The following ANO3 variants were observed in gnomAD, a reference collection of about 807,000 sequenced individuals.
The protein encoded by ANO3 is anoctamin 3, also known as anoctamin-3.
A neutral mutation model predicts 144.8 loss-of-function variants in ANO3; 99 were observed. The ratio of observed to expected loss-of-function variants is 0.68; its 90% CI spans 0.58 to 0.81. The LOEUF is 0.81. Among genes scored for constraint, ANO3 ranks in the 30% least tolerant of loss-of-function variants. The probability of loss-of-function intolerance (pLI) is 0.00; values close to 1 mark genes in which losing one functional copy is unlikely to be tolerated. For missense variants in ANO3, 905 were observed against 1,202.2 expected, an observed-to-expected ratio of 0.75 and a Z score of 3.66; for synonymous variants, 414 against 392.6, an observed-to-expected ratio of 1.05 and a Z score of -0.64.
chr11:26,236,556 T>G (rs191913291), intron 1 of ANO3, among the ~76,000 whole-genome samples: 1 of 152,142 alleles, frequency 6.6e-6, no homozygotes, highest in South Asian at 2.1e-4. Context: ...CCGCGGCTCA[T>G]GCCTGTAATC....
intron 6 of ANO3, among the ~76,000 whole-genome samples, chr11:26,520,593 CA>C (rs1159285289): frequency 6.6e-6 from 1 of 152,094 alleles, no homozygotes; most frequent in Non-Finnish European, 1.5e-5. Flanking sequence ...AGTAGTTCAA[CA>C]GGATCTTAAA....
At chr11:26,300,217 GACACACACAC>G (rs149964961) in intron 1 of ANO3, among the ~76,000 whole-genome samples, 2 of 151,152 alleles carry the variant, frequency 1.3e-5, no homozygotes, top group African/African-American at 4.9e-5. Flanking sequence ...CACACACACA[GACACACACAC>G]ACAGACACAC....
At chr11:26,571,341 T>A (rs1437038619) in intron 14 of ANO3, among the ~76,000 whole-genome samples, 1 of 152,100 alleles carries the variant, frequency 6.6e-6, no homozygotes, top group Non-Finnish European at 1.5e-5. Context: ...AAAAAGAGGC[T>A]TATATAGCCA....
chr11:26,221,614 C>T (rs774949702), intron 1 of ANO3, among the ~76,000 whole-genome samples: 14 of 152,170 alleles, frequency 9.2e-5, no homozygotes, highest in Non-Finnish European at 1.9e-4. Context: ...AGATAAAAGG[C>T]TTAATTCACT....
intron 6 of ANO3, among the ~76,000 whole-genome samples, chr11:26,518,869 A>G (rs1207843261): frequency 6.6e-6 from 1 of 152,096 alleles, no homozygotes; most frequent in Non-Finnish European, 1.5e-5. Context: ...GAGATGAAAA[A>G]GGATTGCTTC....
intron 1 of ANO3, among the ~76,000 whole-genome samples, chr11:26,365,337 A>G (rs1441617280): frequency 6.6e-6 from 1 of 152,200 alleles, no homozygotes; most frequent in African/African-American, 2.4e-5. Context: ...GCAAGCTGCC[A>G]GTGAATCTAC....
rs918549276 is a variant in ANO3 at position 26,241,462 on chromosome 11, T to C, written c.154+52132T>C. ...CATCATAAAATTCTTACTTTCTTACTCTCATACTCCTAACACCTAGCAACA... is the reference window on the plus strand; with the variant it reads ...CATCATAAAATTCTTACTTTCTTACCCTCATACTCCTAACACCTAGCAACA... On this transcript the variant is annotated intron_variant, in intron 1 of 27. Coordinates refer to the ANO3 transcript ENST00000672621. 5.9e-5 allele frequency among the ~76,000 whole-genome samples: 9 copies of C among 152,182 alleles called. No homozygotes were observed. In the East Asian group the frequency reaches 1.5e-3, roughly 26 times the overall value.
At chr11:26,629,225 G>C (rs939102936) in intron 18 of ANO3, among the ~76,000 whole-genome samples, 1 of 151,842 alleles carries the variant, frequency 6.6e-6, no homozygotes, top group African/African-American at 2.4e-5. Flanking sequence ...TCTCCAACTT[G>C]GTATATAACC....
intron 10 of ANO3, among the ~76,000 whole-genome samples, chr11:26,537,709 G>T (rs1003701858): frequency 6.6e-6 from 1 of 152,172 alleles, no homozygotes; most frequent in South Asian, 2.1e-4. Context: ...CACTGTAGCT[G>T]CTGCCTTCTG....
intron 4 of ANO3, among the ~76,000 whole-genome samples, chr11:26,465,102 C>T (rs938738134): frequency 3.3e-5 from 5 of 149,438 alleles, no homozygotes; most frequent in Non-Finnish European, 6.0e-5. Context: ...TGGCCTTTCT[C>T]TTATTATACC....
At chr11:26,253,222 T>G (rs530611113) in intron 1 of ANO3, among the ~76,000 whole-genome samples, 1 of 152,192 alleles carries the variant, frequency 6.6e-6, no homozygotes, top group Admixed American at 6.5e-5. Context: ...TGTGCTAAAA[T>G]ATGAAAAGAA....
intron 1 of ANO3, among the ~76,000 whole-genome samples, chr11:26,300,436 G>C (rs187971330): frequency 1.3e-5 from 2 of 152,288 alleles, no homozygotes; most frequent in Non-Finnish European, 2.9e-5. Context: ...TTAAGAAAAA[G>C]AGGAATGACA....
In ANO3 at chr11:26,207,002, C is replaced by G. The variant is rs1851807879; in HGVS notation, c.154+17672C>G. Among the ~76,000 whole-genome samples, 6 of 151,882 alleles carry G rather than the reference C, an allele frequency of 4.0e-5. No homozygotes were observed. In the South Asian group the frequency reaches 1.3e-3, roughly 32 times the overall value. ...ACGTGATATCATTTGTATGAGGGAT[C>G]TAAAACAGTTAGAGCAGGGTGGTGG... On this transcript the variant is annotated intron_variant, in intron 1 of 27. Coordinates refer to the ANO3 transcript ENST00000672621.
rs190083563 is a variant in ANO3 at position 26,511,668 on chromosome 11, G to C, written c.591+3406G>C. Among the ~76,000 whole-genome samples, 521 of 152,296 alleles carry C rather than the reference G, an allele frequency of 3.4e-3. 2 individuals carry two copies. Among genetic ancestry groups the C allele is most frequent in the African/African-American group, 0.012 (508 of 41,556 alleles). ...AGTGGTATGGTCTGGAGGGTGAGGG[G>C]AGAGTAGAAGAAAGGGAAGGAGGGA... is the stretch of plus-strand genomic sequence containing the variant. On this transcript the variant is annotated intron_variant, in intron 5 of 26. Coordinates refer to ENST00000256737, the MANE Select transcript of ANO3 (RefSeq NM_031418.4).
rs781584259 is a variant in ANO3, at chr11:26,508,147, A to C, written c.476A>C (p.Asp159Ala). The change falls in exon 5 of 27, where the codon GAT becomes GCT. Residue 159 changes from aspartate to alanine, a missense_variant. Transcript: ENST00000256737. The part of the protein sequence containing the change: ...YIASSGPLFK[D>A]GKKRIDYILV... ...GCATCCAGTGGACCTCTGTTCAAAG[A>C]TGGCAAAAAGAGAATTGATTACATC... 1.9e-6 allele frequency: 3 copies of C among 1,596,158 alleles called. No homozygotes were observed. Among genetic ancestry groups the C allele is most frequent in the Admixed American group, 3.6e-5 (2 of 54,886 alleles).
chr11:26,641,706 AT>A (rs71449128), intron 21 of ANO3, among the ~76,000 whole-genome samples, 189 bp from the exon 22 acceptor site: 1 of 151,012 alleles, frequency 6.6e-6, no homozygotes, highest in Non-Finnish European at 1.5e-5. Context: ...TTTAAAAAAA[AT>A]TTTTTAAGAT....
intron 3 of ANO3, among the ~76,000 whole-genome samples, chr11:26,454,671 C>T (rs1195162679): frequency 1.3e-5 from 2 of 151,844 alleles, no homozygotes; most frequent in African/African-American, 2.4e-5. Context: ...GGTACCATTC[C>T]TTCTGAAACT....
chr11:26,656,127 G>A lies in ANO3; in HGVS notation c.2579G>A (p.Cys860Tyr). The change falls in exon 25 of 27, where the codon TGC becomes TAC. Residue 860 changes from cysteine (C) to tyrosine (Y), a missense_variant and splice_region_variant. Around this residue, in one of 4 missense-constraint regions of ANO3, gnomAD observed 597 missense variants for 865.1 expected, o/e 0.69. Coordinates refer to ENST00000256737, the MANE Select transcript of ANO3 (RefSeq NM_031418.4). Reference protein sequence around the residue: ...CANHVEPSENCLKGYVNNSLS... With the variant: ...CANHVEPSENYLKGYVNNSLS... The stretch of plus-strand genomic sequence containing the variant: ...ATGATATTTTTCTTTTCTCCCAGTT[G>A]CTTGAAGGGATATGTCAACAATAGC... 6.2e-7 allele frequency: 1 copy of A among 1,611,248 alleles called. No individual in the cohort carries two copies. The highest frequency in any genetic ancestry group is 8.5e-7 in the Non-Finnish European group (1 of 1,178,396).
At chr11:26,380,748 G>T (rs1856567577) in intron 1 of ANO3, among the ~76,000 whole-genome samples, 1 of 152,134 alleles carries the variant, frequency 6.6e-6, no homozygotes, top group African/African-American at 2.4e-5. Context: ...TTGGGAGGCT[G>T]AAGCGGGTGG....
Sources: allele counts gnomAD v4.1 joint callset (sites outside exome capture counted in the v4.1 genomes callset), GRCh38; gene constraint gnomAD v4.1.1; regional missense constraint gnomAD v4.1.1; transcripts MANE v1.5; gene names NCBI Gene and HGNC (gene_info 2026-07-23, HGNC 2026-07-21).